PDE5A: variants seen among roughly 807,000 people sequenced by gnomAD.
The protein encoded by PDE5A is phosphodiesterase 5A.
In PDE5A, 67 loss-of-function variants were observed where a neutral mutation model predicts 110.2. The ratio of observed to expected loss-of-function variants is 0.61; its 90% CI spans 0.50 to 0.75. The LOEUF is 0.75. Among genes scored for constraint, PDE5A ranks in the 30% least tolerant of loss-of-function variants. The pLI, the probability that PDE5A is intolerant of heterozygous loss-of-function variation, is 0.00. For synonymous variants in PDE5A, 328 were observed against 351.2 expected (o/e 0.93, Z 0.74); for missense variants, 862 against 1,045.1 (o/e 0.82, Z 2.42).
intron 3 of PDE5A, among the ~76,000 whole-genome samples, chr4:119,573,968 C>T (rs1308290957): frequency 6.6e-6 from 1 of 152,038 alleles, no homozygotes; most frequent in African/African-American, 2.4e-5. Flanking sequence ...GTAACAGGCA[C>T]TTTGTAACTG....
chr4:119,552,770 G>A, intron 8 of PDE5A, 133 bp from the exon 9 acceptor site: 1 of 450,308 alleles, frequency 2.2e-6, no homozygotes, highest in Non-Finnish European at 4.0e-6. Flanking sequence ...GCATTGGAAA[G>A]CAGAAAATGT....
intron 16 of PDE5A, among the ~76,000 whole-genome samples, 177 bp downstream of exon 16, chr4:119,507,427 C>T (rs1360183282): frequency 2.0e-5 from 3 of 151,880 alleles, no homozygotes; most frequent in Non-Finnish European, 4.4e-5. Flanking sequence ...TAATTTTCAG[C>T]AGTATAAGCC....
At chr4:119,504,474 G>T (rs1197155029) in intron 18 of PDE5A, 62 bp downstream of exon 18, 2 of 1,278,742 alleles carry the variant, frequency 1.6e-6, no homozygotes, top group Non-Finnish European at 2.3e-6. Context: ...CTAGTAGTGG[G>T]ATTGCTGGGT....
At position 119,504,566 on chromosome 4, in the gene PDE5A, T is replaced by A. The variant is rs1725491507; in HGVS notation, c.2301A>T (p.Ala767=). The A allele has an allele frequency of 6.2e-7, 1 of 1,612,460 alleles. No individual in the cohort carries two copies. Among genetic ancestry groups the A allele is most frequent in the Non-Finnish European group, 8.5e-7 (1 of 1,179,066 alleles). ...GTTGAATAGGCCAGGGTTTTGTAAT[T>A]GCAGAAAGATCACAAGCTGTCATCA... ...AMLMTACDLS[A]ITKPWPIQQR... is the part of the protein sequence containing the mutation. The change falls in exon 18 of 21, where the codon GCA becomes GCT. Residue 767 remains alanine (A), a synonymous_variant. Coordinates refer to ENST00000354960, the MANE Select transcript of PDE5A (RefSeq NM_001083.4).
At chr4:119,505,783 CAGTG>C (rs1001456429) in intron 17 of PDE5A, 68 bp downstream of exon 17, 8 of 836,494 alleles carry the variant, frequency 9.6e-6, no homozygotes, top group South Asian at 3.3e-5. Flanking sequence ...TAAAAACTAA[CAGTG>C]AGGAAAAAAT....
At chr4:119,611,613 T>G (rs1425934590) in intron 1 of PDE5A, among the ~76,000 whole-genome samples, 1 of 152,260 alleles carries the variant, frequency 6.6e-6, no homozygotes, top group African/African-American at 2.4e-5. Context: ...TTCTACATTA[T>G]GTGTTTGTGA....
intron 2 of PDE5A, among the ~76,000 whole-genome samples, chr4:119,605,564 T>A (rs1729495753): frequency 6.6e-6 from 1 of 152,088 alleles, no homozygotes; most frequent in South Asian, 2.1e-4. Context: ...GGAGAATCAC[T>A]TGAATCTGGG....
intron 16 of PDE5A, 151 bp downstream of exon 16, chr4:119,507,453 T>C (rs1725592801): frequency 1.8e-6 from 1 of 558,908 alleles, no homozygotes; most frequent in African/African-American, 2.0e-5. Flanking sequence ...AGTAGACTTT[T>C]CTGGCTACCC....
intron 9 of PDE5A, among the ~76,000 whole-genome samples, chr4:119,545,550 A>G (rs568057630): frequency 7.2e-5 from 11 of 152,342 alleles, no homozygotes; most frequent in Non-Finnish European, 1.5e-4. Context: ...TTAGCAAACT[A>G]TCAGTGTTAC....
chr4:119,542,222 G>C (rs1726956029), intron 10 of PDE5A, among the ~76,000 whole-genome samples: 1 of 152,048 alleles, frequency 6.6e-6, no homozygotes, highest in Admixed American at 6.6e-5. Context: ...AGGCATAAAG[G>C]GATAAACATC....
intron 18 of PDE5A, among the ~76,000 whole-genome samples, chr4:119,504,038 A>G (rs1053017090): frequency 6.6e-6 from 1 of 151,998 alleles, no homozygotes; most frequent in Non-Finnish European, 1.5e-5. Context: ...CTTCTAGTAT[A>G]CCCATTACCC....
At chr4:119,500,334 A>ATATT (rs1725257611) in intron 20 of PDE5A, 1 of 133,794 alleles carries the variant, frequency 7.5e-6, no homozygotes, top group East Asian at 2.2e-4. Context: ...ACAGTTCTTT[A>ATATT]TATTAAATTC....
chr4:119,511,721 T>C (rs1253683695), intron 14 of PDE5A, among the ~76,000 whole-genome samples: 2 of 152,096 alleles, frequency 1.3e-5, no homozygotes, highest in Non-Finnish European at 2.9e-5. Flanking sequence ...AAGTTCCCCA[T>C]GTAGGATCCA....
Position 119,565,310 on chromosome 4 carries a change from A to G in PDE5A, c.993+11T>C. The G allele has an allele frequency of 6.3e-7, 1 of 1,578,652 alleles. No homozygotes were observed. ...GTATTTCTATGCACTTTCTTTAGTA[A>G]TCAGACTGACCTGATTTCTCTTGTT... is the stretch of plus-strand genomic sequence containing the variant. On this transcript the variant is annotated intron_variant, in intron 5 of 20. Coordinates refer to ENST00000354960, the MANE Select transcript of PDE5A (RefSeq NM_001083.4).
chr4:119,582,830 G>A (rs956496537), intron 3 of PDE5A, among the ~76,000 whole-genome samples: 1 of 152,200 alleles, frequency 6.6e-6, no homozygotes, highest in African/African-American at 2.4e-5. Flanking sequence ...CTGAGCACTA[G>A]GTCTCAATAG....
intron 7 of PDE5A, among the ~76,000 whole-genome samples, chr4:119,559,370 A>C (rs1162578952): frequency 6.6e-6 from 1 of 152,174 alleles, no homozygotes; most frequent in Non-Finnish European, 1.5e-5. Context: ...GCTGCTGCAC[A>C]AATATTAAAA....
At chr4:119,563,025 C>A in intron 5 of PDE5A, 55 bp from the exon 6 acceptor site, 3 of 1,436,048 alleles carry the variant, frequency 2.1e-6, no homozygotes, top group South Asian at 1.4e-5. Flanking sequence ...ATTATTAAAG[C>A]ACAATTATTT....
intron 1 of PDE5A, chr4:119,628,050 C>T (rs891696917): frequency 1.0e-6 from 1 of 986,136 alleles, no homozygotes; most frequent in Non-Finnish European, 1.2e-6. Context: ...CGTCCCTCAC[C>T]CCAGCTTCCC....
chr4:119,555,404 A>T (rs921872901), intron 7 of PDE5A, among the ~76,000 whole-genome samples: 1 of 152,202 alleles, frequency 6.6e-6, no homozygotes, highest in Non-Finnish European at 1.5e-5. Context: ...TATTTGAGTG[A>T]CACTCAAGAA....
Sources: gnomAD v4.1 joint callset for allele counts (sites outside exome capture counted in the v4.1 genomes callset) on GRCh38, gnomAD v4.1.1 for gene constraint, MANE v1.5 for transcripts, NCBI Gene and HGNC (gene_info 2026-07-23, HGNC 2026-07-21) for gene names.